The following MRPS7 variants were observed in gnomAD, a reference collection of about 807,000 sequenced individuals.
The protein encoded by MRPS7 is small ribosomal subunit protein uS7m.
Under a neutral mutation model 26.2 loss-of-function variants are expected in MRPS7, and 13 were observed. The observed-to-expected ratio is 0.50, with a 90% CI of 0.32 to 0.79. MRPS7 has a LOEUF of 0.79. Ranked by LOEUF, MRPS7 falls within the 30% of genes least tolerant of loss-of-function variation. The pLI, the probability that MRPS7 is intolerant of heterozygous loss-of-function variation, is 0.03. For synonymous variants in MRPS7, 129 were observed against 113.3 expected, an observed-to-expected ratio of 1.14 and a Z score of -0.88; for missense variants, 318 against 312.2, an observed-to-expected ratio of 1.02 and a Z score of -0.14.
At chr17:75,263,755 T>A (rs146987644) in intron 4 of MRPS7, 5 of 483,260 alleles carry the variant, frequency 1.0e-5, no homozygotes, top group Middle Eastern at 5.5e-4. Context: ...GTGGTGTGCA[T>A]CTGTGCTCCC....
intron 4 of MRPS7, among the ~76,000 whole-genome samples, chr17:75,264,792 G>A (rs952109446): frequency 2.0e-5 from 3 of 150,626 alleles, no homozygotes; most frequent in Non-Finnish European, 4.4e-5. Flanking sequence ...AGATTCTCCT[G>A]TCTCAGTCCC....
intron 4 of MRPS7, among the ~76,000 whole-genome samples, chr17:75,265,403 G>A (rs2077468475): frequency 6.6e-6 from 1 of 151,826 alleles, no homozygotes; most frequent in Non-Finnish European, 1.5e-5. Context: ...TTGAACTCCT[G>A]GGCTCAAGCG....
At chr17:75,264,620 G>A (rs1468501749) in intron 4 of MRPS7, 1 of 151,968 alleles carries the variant, frequency 6.6e-6, no homozygotes, top group Non-Finnish European at 1.5e-5. Flanking sequence ...TTGGACACGG[G>A]GTCTTGTTTT....
In MRPS7 at chr17:75,265,715, T is replaced by TA; in HGVS notation, c.522dup (p.Pro175ThrfsTer16). 1 of 1,613,940 alleles carries TA rather than the reference T, an allele frequency of 6.2e-7. No individual in the cohort carries two copies. The highest frequency in any genetic ancestry group is 1.1e-5 in the South Asian group (1 of 91,084). On this transcript the variant is annotated frameshift_variant, in exon 5 of 5. Coordinates refer to ENST00000245539, the MANE Select transcript of MRPS7 (RefSeq NM_015971.4). LOFTEE classifies it high-confidence loss of function. ...TGTCTCACCCAGGTCCCTGTACCCCTACCCGACCGGCGTCGCCGCTTCCTA... is the reference window on the plus strand; with the variant it reads ...TGTCTCACCCAGGTCCCTGTACCCCTAACCCGACCGGCGTCGCCGCTTCCTA...
Position 75,263,337 on chromosome 17 carries a change from C to T in MRPS7, c.340-3C>T. 6.2e-7 allele frequency: 1 copy of T among 1,614,034 alleles called. No homozygotes were observed. ...CAGCCTCTTCCACCATATTCTTTTGCAGACTCTGGAAGCTGTGAAAAGGAA... is the reference window on the plus strand; with the variant it reads ...CAGCCTCTTCCACCATATTCTTTTGTAGACTCTGGAAGCTGTGAAAAGGAA... On this transcript the variant is annotated splice_polypyrimidine_tract_variant and splice_region_variant and intron_variant, in intron 3 of 4. Transcript: ENST00000245539.
chr17:75,266,011 A>G lies in MRPS7; in HGVS notation c.*88A>G. The G allele has an allele frequency of 1.6e-6, 2 of 1,268,914 alleles. No homozygotes were observed. Among genetic ancestry groups the G allele is most frequent in the Non-Finnish European group, 2.2e-6 (2 of 896,000 alleles). The allele number at this position is 1,268,914 out of a possible 1,614,324, so 78.6% of individuals were successfully genotyped here. ...AAAACTACCTGTGGGTTAAGGATGT[A>G]GTTCCTTTGTAAGGGTGGGCAGGCC... On this transcript the variant is annotated 3_prime_UTR_variant, in exon 5 of 5. Transcript: ENST00000245539.
chr17:75,266,182 T>C lies in MRPS7; in HGVS notation c.*259T>C, dbSNP rs191622734. ...CTCCAGGAAACTCAGGGCTGTTTTC[T>C]CTTCCCTTAGGTTGGGGCGGACCTT... On this transcript the variant is annotated 3_prime_UTR_variant, in exon 5 of 5. Coordinates refer to ENST00000245539, the MANE Select transcript of MRPS7 (RefSeq NM_015971.4). 1.9e-6 allele frequency: 1 copy of C among 536,132 alleles called. No individual in the cohort carries two copies. The highest frequency in any genetic ancestry group is 3.2e-5 in the Admixed American group (1 of 31,134). 33.2% of individuals were successfully genotyped at this position (536,132 alleles called of 1,614,324 possible). A position where few individuals can be genotyped will look rare whatever the true frequency, so the allele number is the denominator to read the frequency against.
intron 1 of MRPS7, 123 bp downstream of exon 1, chr17:75,262,106 T>C: frequency 2.5e-6 from 3 of 1,180,304 alleles, no homozygotes; most frequent in Non-Finnish European, 3.6e-6. Flanking sequence ...TTCAAGCTTC[T>C]AAGTTAGCTG....
intron 2 of MRPS7, 37 bp from the exon 3 acceptor site, chr17:75,262,767 C>T: frequency 6.2e-7 from 1 of 1,613,618 alleles, no homozygotes; most frequent in South Asian, 1.1e-5. Context: ...TGTGATACAG[C>T]CTTGGAGAGC....
At chr17:75,265,301 G>A (rs1383532739) in intron 4 of MRPS7, among the ~76,000 whole-genome samples, 1 of 152,040 alleles carries the variant, frequency 6.6e-6, no homozygotes, top group African/African-American at 2.4e-5. Flanking sequence ...GCCTCCCAAA[G>A]TGCTGGAATT....
chr17:75,263,090 T>G, intron 3 of MRPS7: 2 of 628,396 alleles, frequency 3.2e-6, no homozygotes, highest in South Asian at 2.2e-5. Context: ...AAGGAACAAA[T>G]AAAAAATAAA....
At chr17:75,264,139 A>G (rs1162184627) in intron 4 of MRPS7, 1 of 145,342 alleles carries the variant, frequency 6.9e-6, no homozygotes, top group Non-Finnish European at 1.5e-5. Context: ...ACACCACCGC[A>G]CTCCAGCCTG....
intron 4 of MRPS7, among the ~76,000 whole-genome samples, chr17:75,265,327 C>T (rs936810626): frequency 2.0e-5 from 3 of 151,768 alleles, no homozygotes; most frequent in African/African-American, 7.3e-5. Context: ...CGTGAACCAT[C>T]GTGCCTGGCC....
chr17:75,265,845 C>T lies in MRPS7; in HGVS notation c.651C>T (p.Gly217=). The T allele has an allele frequency of 6.2e-7, 1 of 1,614,140 alleles. No homozygotes were observed. Among genetic ancestry groups the T allele is most frequent in the South Asian group, 1.1e-5 (1 of 91,086 alleles). ...TGCTGGAGGCTTTCCATAACCAGGGCCCCGTGATCAAGAGGAAGCATGACT... is the reference window on the plus strand; with the variant it reads ...TGCTGGAGGCTTTCCATAACCAGGGTCCCGTGATCAAGAGGAAGCATGACT... ...HKLLEAFHNQ[G]PVIKRKHDLH... The change falls in exon 5 of 5, where the codon GGC becomes GGT. Residue 217 remains glycine, a synonymous_variant. Transcript: ENST00000245539.
chr17:75,262,233 G>C, intron 1 of MRPS7: 1 of 636,754 alleles, frequency 1.6e-6, no homozygotes, highest in African/African-American at 1.8e-5. Flanking sequence ...TCAGATCTGG[G>C]ATCGCCTGTG....
At chr17:75,262,907 C>T in intron 3 of MRPS7, 40 bp downstream of exon 3, 1 of 1,593,306 alleles carries the variant, frequency 6.3e-7, no homozygotes, top group Non-Finnish European at 8.6e-7. Context: ...TTCTTGCCCC[C>T]CTACCCCGTA....
chr17:75,263,386 C>T lies in MRPS7; in HGVS notation c.386C>T (p.Ala129Val), dbSNP rs1206943814. The T allele has an allele frequency of 1.2e-6, 2 of 1,614,130 alleles. No individual in the cohort carries two copies. Among genetic ancestry groups the T allele is most frequent in the South Asian group, 2.2e-5 (2 of 91,084 alleles). ...KRKQFEKYHA[A>V]SAEEQATIER... ...AAGCAGTTTGAGAAGTACCATGCCG[C>T]TTCTGCAGAGGAACAGGCAACCATC... Residue 129 changes from alanine to valine, a missense_variant, in exon 4 of 5, where the codon GCT becomes GTT. Coordinates refer to ENST00000245539, the MANE Select transcript of MRPS7 (RefSeq NM_015971.4).
In MRPS7 at chr17:75,266,078, C is replaced by T. The variant is rs1027945331; in HGVS notation, c.*155C>T. 16 of 669,304 alleles carry T rather than the reference C, an allele frequency of 2.4e-5. No homozygotes were observed. The highest frequency in any genetic ancestry group is 3.6e-5 in the African/African-American group (2 of 55,252). The allele number at this position is 669,304 out of a possible 1,614,324, so 41.5% of individuals were successfully genotyped here. The stretch of plus-strand genomic sequence containing the variant: ...GCAGCATATTCACTATCCGTTAATC[C>T]TTCTTTCTTTGAGGCTGGAACTTGC... On this transcript the variant is annotated 3_prime_UTR_variant, in exon 5 of 5. Transcript: ENST00000245539.
rs763925773 is a variant in MRPS7 at position 75,265,857 on chromosome 17, G to A, written c.663G>A (p.Lys221=). Residue 221 remains lysine, a synonymous_variant, in exon 5 of 5, where the codon AAG becomes AAA. Transcript: ENST00000245539. ...TCCATAACCAGGGCCCCGTGATCAA[G>A]AGGAAGCATGACTTGCACAAGATGG... The part of the protein sequence containing the change: ...EAFHNQGPVI[K]RKHDLHKMAE... 1 of 1,614,166 alleles carries A rather than the reference G, an allele frequency of 6.2e-7. No homozygotes were observed. The highest frequency in any genetic ancestry group is 8.5e-7 in the Non-Finnish European group (1 of 1,180,050).
Sources: gnomAD v4.1 joint callset for allele counts (sites outside exome capture counted in the v4.1 genomes callset) on GRCh38, gnomAD v4.1.1 for gene constraint, MANE v1.5 for transcripts, NCBI Gene and HGNC (gene_info 2026-07-23, HGNC 2026-07-21) for gene names.